The following ABCC4 variants were observed in gnomAD, a reference collection of about 807,000 sequenced individuals.
The protein encoded by ABCC4 is ATP-binding cassette sub-family C member 4.
Under a neutral mutation model 168.5 loss-of-function variants are expected in ABCC4, and 102 were observed. The observed-to-expected ratio is 0.61, with a 90% CI of 0.52 to 0.71. The LOEUF (loss-of-function observed/expected upper bound fraction) is 0.71, where lower values mean the gene tolerates loss of function less well. Ranked by LOEUF, ABCC4 falls within the 30% of genes least tolerant of loss-of-function variation. The probability of loss-of-function intolerance (pLI) is 0.00; values close to 1 mark genes in which losing one functional copy is unlikely to be tolerated. For missense variants in ABCC4, 1,402 were observed against 1,605.8 expected (o/e 0.87, Z 2.17); for synonymous variants, 617 against 590.7 (o/e 1.04, Z -0.65).
chr13:95,064,295 T>TATATAC, intron 25 of ABCC4, among the ~76,000 whole-genome samples: 1 of 92,092 alleles, frequency 1.1e-5, no homozygotes, highest in Non-Finnish European at 2.4e-5. Flanking sequence ...TATATATATA[T>TATATAC]ATACACACAC....
At chr13:95,136,346 T>G (rs2036144099) in intron 19 of ABCC4, among the ~76,000 whole-genome samples, 1 of 152,072 alleles carries the variant, frequency 6.6e-6, no homozygotes, top group African/African-American at 2.4e-5. Context: ...GAAGAGACAG[T>G]GTCTCACTAT....
At chr13:95,231,590 G>A (rs544488941) in intron 4 of ABCC4, among the ~76,000 whole-genome samples, 2 of 152,320 alleles carry the variant, frequency 1.3e-5, no homozygotes, top group Non-Finnish European at 2.9e-5. Context: ...GCCCACGTGT[G>A]AGGAGGAAGT....
chr13:95,074,122 T>C, intron 23 of ABCC4, 92 bp downstream of exon 23: 1 of 935,684 alleles, frequency 1.1e-6, no homozygotes, highest in Non-Finnish European at 1.6e-6. Flanking sequence ...AAACAGTATG[T>C]AGTAGTAGAC....
chr13:95,095,815 A>G (rs1323454181), intron 20 of ABCC4: 1 of 232,040 alleles, frequency 4.3e-6, no homozygotes, highest in Non-Finnish European at 8.3e-6. Context: ...TTACAGGGCT[A>G]AAAAGATAAG....
At chr13:95,142,448 G>A (rs2036349653) in intron 19 of ABCC4, among the ~76,000 whole-genome samples, 1 of 152,128 alleles carries the variant, frequency 6.6e-6, no homozygotes, top group South Asian at 2.1e-4. Context: ...TGGAAAGGGG[G>A]TGAAGGATAA....
At chr13:95,028,983 T>G (rs553143922) in intron 30 of ABCC4, among the ~76,000 whole-genome samples, 1 of 151,536 alleles carries the variant, frequency 6.6e-6, no homozygotes, top group African/African-American at 2.4e-5. Context: ...CTGGCCAACA[T>G]GGTAAAAACC....
At chr13:95,217,308 G>T (rs1469397507) in intron 4 of ABCC4, among the ~76,000 whole-genome samples, 4 of 152,188 alleles carry the variant, frequency 2.6e-5, no homozygotes, top group Admixed American at 2.0e-4. Flanking sequence ...GAGGTGGAAG[G>T]AGAGAATGAC....
chr13:95,213,171 GGCTTCT>G (rs1343764484), intron 4 of ABCC4, among the ~76,000 whole-genome samples: 2 of 149,602 alleles, frequency 1.3e-5, no homozygotes, highest in Non-Finnish European at 1.5e-5. Context: ...CAAACTACCA[GGCTTCT>G]GCTTCCAACC....
At chr13:95,103,351 T>G (rs944445842) in intron 20 of ABCC4, among the ~76,000 whole-genome samples, 1 of 152,236 alleles carries the variant, frequency 6.6e-6, no homozygotes, top group African/African-American at 2.4e-5. Context: ...TTCATGGCTC[T>G]GATATCCTGA....
chr13:95,054,110 T>A (rs930016332), intron 26 of ABCC4, among the ~76,000 whole-genome samples: 2 of 142,850 alleles, frequency 1.4e-5, no homozygotes, highest in Non-Finnish European at 3.0e-5. Context: ...CCTCTACTTA[T>A]GAAAGGATTG....
chr13:95,045,334 T>C lies in ABCC4; in HGVS notation c.3457-896A>G, dbSNP rs1161595352. 2.0e-5 allele frequency among the ~76,000 whole-genome samples: 3 copies of C among 152,208 alleles called. No homozygotes were observed. In the East Asian group the frequency reaches 5.8e-4, roughly 29 times the overall value. ...TCATCTTATAGGCACTTTACCATTT[T>C]GGAAGGTTTTTTAATCAACTGGAAA... On this transcript the variant is annotated intron_variant, in intron 27 of 30. Transcript: ENST00000645237.
chr13:95,158,734 G>C (rs117460236), intron 19 of ABCC4, among the ~76,000 whole-genome samples: 1,670 of 151,956 alleles, frequency 0.011, 41 homozygotes, highest in East Asian at 0.08. Flanking sequence ...CTGAAAAATC[G>C]AGCATGCCTG....
chr13:95,285,210 T>C (rs918247969), intron 1 of ABCC4, among the ~76,000 whole-genome samples: 8 of 152,114 alleles, frequency 5.3e-5, no homozygotes, highest in Non-Finnish European at 1.2e-4. Flanking sequence ...ATCACACCAC[T>C]GTACTCCAGC....
chr13:95,149,942 C>A (rs2036618724), intron 19 of ABCC4, among the ~76,000 whole-genome samples: 1 of 152,176 alleles, frequency 6.6e-6, no homozygotes, highest in Non-Finnish European at 1.5e-5. Context: ...GGCTGAAGAT[C>A]AACCAGGGGA....
chr13:95,174,742 C>G (rs899716424), intron 13 of ABCC4, among the ~76,000 whole-genome samples: 1 of 152,122 alleles, frequency 6.6e-6, no homozygotes, highest in Non-Finnish European at 1.5e-5. Flanking sequence ...TGGGGCCTCG[C>G]GCAAGACTCA....
chr13:95,159,289 T>A (rs183171799), intron 19 of ABCC4, among the ~76,000 whole-genome samples: 1 of 151,764 alleles, frequency 6.6e-6, no homozygotes, highest in Middle Eastern at 3.4e-3. Context: ...TTTTTCAACA[T>A]CTACCACTAA....
At chr13:95,191,608 A>G (rs1378597408) in intron 9 of ABCC4, among the ~76,000 whole-genome samples, 1 of 152,214 alleles carries the variant, frequency 6.6e-6, no homozygotes, top group African/African-American at 2.4e-5. Context: ...GCCTTACTAT[A>G]TAAGGTGTTC....
intron 30 of ABCC4, among the ~76,000 whole-genome samples, chr13:95,028,531 A>C (rs1015232615): frequency 6.6e-6 from 1 of 152,310 alleles, no homozygotes; most frequent in East Asian, 1.9e-4. Flanking sequence ...GAGAAAATTA[A>C]AATCCAAAAT....
At chr13:95,043,628 T>A in intron 29 of ABCC4, 54 bp downstream of exon 29, 2 of 1,446,770 alleles carry the variant, frequency 1.4e-6, no homozygotes, top group Non-Finnish European at 1.9e-6. Flanking sequence ...AGGAATAAAC[T>A]GAAAAAGTGA....
Sources: gnomAD v4.1 joint callset for allele counts (sites outside exome capture counted in the v4.1 genomes callset) on GRCh38, gnomAD v4.1.1 for gene constraint, MANE v1.5 for transcripts, NCBI Gene and HGNC (gene_info 2026-07-23, HGNC 2026-07-21) for gene names.